Variants in CNTNAP2 observed in about 807,000 individuals in gnomAD.
CNTNAP2 encodes the protein contactin associated protein 2, also known as contactin-associated protein-like 2.
CNTNAP2 carries 98 observed loss-of-function variants against 155.2 expected under a neutral mutation model. The observed-to-expected ratio is 0.63, with a 90% CI of 0.54 to 0.75. CNTNAP2 has a LOEUF of 0.75. CNTNAP2 is among the 30% of genes least tolerant of loss of function. CNTNAP2 has a pLI of 0.00. For synonymous variants in CNTNAP2, 651 were observed against 631.2 expected (o/e 1.03, Z -0.47); for missense variants, 1,727 against 1,688.1 (o/e 1.02, Z -0.40).
At chr7:146,528,268 G>A (rs993006820) in intron 1 of CNTNAP2, among the ~76,000 whole-genome samples, 1 of 152,136 alleles carries the variant, frequency 6.6e-6, no homozygotes, top group Admixed American at 6.6e-5. Context: ...GGAGAGTTTT[G>A]GCAAAAATGT....
rs187707645 is a variant in CNTNAP2, at chr7:146,191,339, T to C, written c.97+74366T>C. Among the ~76,000 whole-genome samples the C allele has an allele frequency of 9.2e-5, 14 of 152,178 alleles. No homozygotes were observed. In the South Asian group the frequency reaches 1.7e-3, roughly 18 times the overall value. ...GGGGAGGGAGTGTACGAATAGGGTG[T>C]GGGTCACAGAGATCACATGCTTCAC... is the stretch of plus-strand genomic sequence containing the variant. On this transcript the variant is annotated intron_variant, in intron 1 of 23. Coordinates refer to ENST00000361727, the MANE Select transcript of CNTNAP2 (RefSeq NM_014141.6).
intron 21 of CNTNAP2, among the ~76,000 whole-genome samples, chr7:148,307,285 G>A (rs913935651): frequency 6.6e-6 from 1 of 152,136 alleles, no homozygotes; most frequent in South Asian, 2.1e-4. Flanking sequence ...TAGGGATCTG[G>A]GGATATAAAT....
chr7:147,032,230 T>C (rs1054106089), intron 3 of CNTNAP2, among the ~76,000 whole-genome samples: 2 of 152,216 alleles, frequency 1.3e-5, no homozygotes, highest in African/African-American at 4.8e-5. Context: ...CATTATAATT[T>C]TACTATTCAT....
intron 13 of CNTNAP2, among the ~76,000 whole-genome samples, chr7:147,762,640 A>G (rs1797320452): frequency 6.6e-6 from 1 of 151,420 alleles, no homozygotes; most frequent in South Asian, 2.1e-4. Flanking sequence ...GTAATTAACT[A>G]CTGAATTAAT....
intron 3 of CNTNAP2, among the ~76,000 whole-genome samples, chr7:146,958,407 G>GTT (rs71165054): frequency 0.031 from 2,443 of 78,070 alleles, 37 homozygotes; most frequent in East Asian, 0.038. Context: ...CATTTTTATG[G>GTT]TTTTTTTTTT....
At chr7:148,361,522 C>T (rs1363519918) in intron 21 of CNTNAP2, among the ~76,000 whole-genome samples, 2 of 152,112 alleles carry the variant, frequency 1.3e-5, no homozygotes, top group East Asian at 1.9e-4. Flanking sequence ...AGCTTCTGAT[C>T]GTTACTGGAA....
intron 1 of CNTNAP2, among the ~76,000 whole-genome samples, chr7:146,757,526 C>G (rs1802013927): frequency 6.6e-6 from 1 of 152,068 alleles, no homozygotes. Context: ...ATTATAGAAT[C>G]CAGAAATGTC....
At chr7:148,198,990 C>T (rs1354346170) in intron 18 of CNTNAP2, among the ~76,000 whole-genome samples, 1 of 151,946 alleles carries the variant, frequency 6.6e-6, no homozygotes, top group African/African-American at 2.4e-5. Context: ...GTGAGAGAAA[C>T]AATGGGGTGT....
At chr7:146,170,062 G>T (rs953965687) in intron 1 of CNTNAP2, among the ~76,000 whole-genome samples, 1 of 143,914 alleles carries the variant, frequency 6.9e-6, no homozygotes, top group Admixed American at 7.2e-5. Context: ...ACTCTGTTGC[G>T]CAGGCTGAGG....
At chr7:148,166,268 G>A (rs2116681906) in intron 17 of CNTNAP2, among the ~76,000 whole-genome samples, 1 of 152,232 alleles carries the variant, frequency 6.6e-6, no homozygotes, top group Admixed American at 6.5e-5. Flanking sequence ...ACTTTTGTGT[G>A]TTTTGCTTCA....
chr7:147,771,145 T>C (rs1797463058), intron 13 of CNTNAP2, among the ~76,000 whole-genome samples: 1 of 152,152 alleles, frequency 6.6e-6, no homozygotes. Context: ...TGAATCGGTG[T>C]ACATTTGAAA....
rs202135443 is a variant in CNTNAP2 at position 147,699,232 on chromosome 7, T to TA, written c.2098+59941dup. On this transcript the variant is annotated intron_variant, in intron 13 of 23. Transcript: ENST00000361727. ...TGCCTCATCCCCACTAAAATTCTATTAAAAAAAAAAAAAAACGCTTTTTAA... is the reference window on the plus strand; with the variant it reads ...TGCCTCATCCCCACTAAAATTCTATTAAAAAAAAAAAAAAAACGCTTTTTAA... Among the ~76,000 whole-genome samples the TA allele has an allele frequency of 6.9e-3, 868 of 125,290 alleles. 6 individuals are homozygous for TA. Among genetic ancestry groups the TA allele is most frequent in the African/African-American group, 0.015 (518 of 34,392 alleles). The allele number at this position is 125,290 out of a possible 152,430, so 82.2% of individuals were successfully genotyped here. A position where few individuals can be genotyped will look rare whatever the true frequency, so the allele number is the denominator to read the frequency against.
intron 13 of CNTNAP2, among the ~76,000 whole-genome samples, chr7:147,794,782 C>CGTTA (rs1563091806): frequency 6.6e-6 from 1 of 150,980 alleles, no homozygotes; most frequent in African/African-American, 2.4e-5. Flanking sequence ...TGTTAAAGGC[C>CGTTA]GTTAATATAT....
chr7:146,242,261 CG>C (rs1294494273), intron 1 of CNTNAP2, among the ~76,000 whole-genome samples: 4 of 151,990 alleles, frequency 2.6e-5, no homozygotes, highest in African/African-American at 9.7e-5. Context: ...TAAAACAGGC[CG>C]GGCGCCGTGG....
intron 10 of CNTNAP2, among the ~76,000 whole-genome samples, chr7:147,471,511 G>T (rs1375994357): frequency 6.6e-6 from 1 of 152,172 alleles, no homozygotes; most frequent in African/African-American, 2.4e-5. Flanking sequence ...ATATTATATA[G>T]AATCATGTTC....
intron 21 of CNTNAP2, among the ~76,000 whole-genome samples, chr7:148,369,678 T>C (rs1341233587): frequency 2.0e-5 from 3 of 148,354 alleles, no homozygotes; most frequent in East Asian, 2.0e-4. Context: ...ATTATTATTA[T>C]TACTATTACT....
intron 11 of CNTNAP2, among the ~76,000 whole-genome samples, chr7:147,545,491 C>T (rs1037766348): frequency 1.3e-5 from 2 of 152,156 alleles, no homozygotes; most frequent in Non-Finnish European, 2.9e-5. Context: ...GTGCTTAAAA[C>T]AACAATCACT....
intron 1 of CNTNAP2, among the ~76,000 whole-genome samples, chr7:146,406,949 C>G (rs1408037863): frequency 6.6e-6 from 1 of 152,180 alleles, no homozygotes; most frequent in South Asian, 2.1e-4. Flanking sequence ...AAAGCTGTTA[C>G]AAAGTTAGTC....
chr7:147,854,642 C>G (rs1033166437), intron 13 of CNTNAP2, among the ~76,000 whole-genome samples: 3 of 152,138 alleles, frequency 2.0e-5, no homozygotes, highest in Non-Finnish European at 4.4e-5. Context: ...TGGTTCCTAG[C>G]CACATGTGAC....
Sources: allele counts gnomAD v4.1 joint callset (sites outside exome capture counted in the v4.1 genomes callset), GRCh38; gene constraint gnomAD v4.1.1; transcripts MANE v1.5; gene names NCBI Gene and HGNC (gene_info 2026-07-23, HGNC 2026-07-21).